DSCAM: variants seen among roughly 807,000 people sequenced by gnomAD.
DSCAM encodes cell adhesion molecule DSCAM.
Under a neutral mutation model 217.7 loss-of-function variants are expected in DSCAM, and 47 were observed. The ratio of observed to expected loss-of-function variants is 0.22; its 90% CI spans 0.17 to 0.28. DSCAM has a LOEUF of 0.28. Ranked by LOEUF, DSCAM falls within the 10% of genes least tolerant of loss-of-function variation. The pLI, the probability that DSCAM is intolerant of heterozygous loss-of-function variation, is 1.00. For missense variants in DSCAM, 2,080 were observed against 2,618.3 expected (o/e 0.79, Z 4.49); for synonymous variants, 1,056 against 1,015.3 (o/e 1.04, Z -0.76).
chr21:40,249,057 C>T (rs2073266496), intron 11 of DSCAM, among the ~76,000 whole-genome samples: 2 of 152,178 alleles, frequency 1.3e-5, no homozygotes, highest in Admixed American at 1.3e-4. Flanking sequence ...TGGGTCCCTC[C>T]CACAGCACAT....
intron 1 of DSCAM, among the ~76,000 whole-genome samples, chr21:40,788,084 T>C (rs1262785100): frequency 6.6e-6 from 1 of 152,240 alleles, no homozygotes; most frequent in African/African-American, 2.4e-5. Flanking sequence ...TAAAACATGC[T>C]GTCCACTTTC....
intron 8 of DSCAM, among the ~76,000 whole-genome samples, chr21:40,313,236 A>C (rs531616358): frequency 1.3e-5 from 2 of 152,186 alleles, no homozygotes. Context: ...GAATAACTAC[A>C]TCTTTACTTT....
chr21:40,709,570 ATGAG>A (rs758840160), intron 1 of DSCAM, among the ~76,000 whole-genome samples: 6 of 152,098 alleles, frequency 3.9e-5, no homozygotes, highest in East Asian at 1.9e-4. Context: ...ACTCCCACTT[ATGAG>A]TGAGAACACG....
Position 40,440,371 on chromosome 21 carries a change from T to G in DSCAM, c.509-71126A>C, listed in dbSNP as rs546022768. On this transcript the variant is annotated intron_variant, in intron 3 of 32. Coordinates refer to ENST00000400454, the MANE Select transcript of DSCAM (RefSeq NM_001389.5). ...ATGGCAGGACCTATACCACATGAGGTTGCTGAGTGGATGGAATGAGTTGAC... is the reference window on the plus strand; with the variant it reads ...ATGGCAGGACCTATACCACATGAGGGTGCTGAGTGGATGGAATGAGTTGAC... Among the ~76,000 whole-genome samples, 15 of 150,270 alleles carry G rather than the reference T, an allele frequency of 1.0e-4. No individual in the cohort carries two copies. The East Asian group carries it at 3.0e-3, about 30-fold the overall frequency.
At chr21:40,395,053 TTCAG>T (rs1212864519) in intron 3 of DSCAM, among the ~76,000 whole-genome samples, 1 of 152,334 alleles carries the variant, frequency 6.6e-6, no homozygotes. Context: ...ATATACTGTG[TTCAG>T]TCAGTGTAAT....
At chr21:40,710,691 T>C (rs899420043) in intron 1 of DSCAM, among the ~76,000 whole-genome samples, 1 of 152,188 alleles carries the variant, frequency 6.6e-6, no homozygotes, top group Non-Finnish European at 1.5e-5. Context: ...GTGTTGGTTA[T>C]GTGAAGAAAT....
intron 3 of DSCAM, among the ~76,000 whole-genome samples, chr21:40,573,434 A>T (rs1408596200): frequency 2.0e-5 from 3 of 152,342 alleles, no homozygotes; most frequent in East Asian, 1.9e-4. Flanking sequence ...TAAACAGATG[A>T]TGACCTATAG....
intron 3 of DSCAM, among the ~76,000 whole-genome samples, chr21:40,482,068 G>A (rs1569141769): frequency 6.6e-6 from 1 of 152,240 alleles, no homozygotes; most frequent in African/African-American, 2.4e-5. Flanking sequence ...GGAAGAGCAA[G>A]TGCAGCCTCT....
chr21:40,562,390 C>G (rs1247157860), intron 3 of DSCAM, among the ~76,000 whole-genome samples: 3 of 152,168 alleles, frequency 2.0e-5, no homozygotes, highest in Admixed American at 1.3e-4. Flanking sequence ...TGGGGCCTCC[C>G]TAGCCATGTG....
rs2091594347 is a variant in DSCAM, at chr21:40,786,333, G to GAAGAAAGAGA, written c.43+60276_43+60285dup. Among the ~76,000 whole-genome samples the GAAGAAAGAGA allele has an allele frequency of 1.3e-5, 2 of 151,844 alleles. 1 individual carries two copies. The highest frequency in any genetic ancestry group is 4.2e-4 in the South Asian group (2 of 4,804). ...AAGAGGGAGAAAGAAAGGAAGAAAG[G>GAAGAAAGAGA]AAGAAAGAGAAAGAAAGAAATCATC... On this transcript the variant is annotated intron_variant, in intron 1 of 32. Transcript: ENST00000400454.
At chr21:40,612,340 C>A (rs1186365526) in intron 3 of DSCAM, among the ~76,000 whole-genome samples, 1 of 152,072 alleles carries the variant, frequency 6.6e-6, no homozygotes, top group Admixed American at 6.6e-5. Flanking sequence ...GCCTTGCAGT[C>A]CACCCCAGTC....
chr21:40,481,452 A>G (rs1461246208), intron 3 of DSCAM, among the ~76,000 whole-genome samples: 1 of 148,064 alleles, frequency 6.8e-6, no homozygotes, highest in African/African-American at 2.5e-5. Flanking sequence ...TGAACCCAGA[A>G]GGCAGAGCTT....
At chr21:40,248,867 G>C (rs951604056) in intron 11 of DSCAM, among the ~76,000 whole-genome samples, 2 of 152,220 alleles carry the variant, frequency 1.3e-5, no homozygotes, top group African/African-American at 2.4e-5. Context: ...ACATGGCTGA[G>C]GAGGCCTCAG....
At chr21:40,060,568 G>A (rs910148715) in intron 28 of DSCAM, among the ~76,000 whole-genome samples, 3 of 151,828 alleles carry the variant, frequency 2.0e-5, no homozygotes, top group African/African-American at 7.3e-5. Context: ...AAGCAGGCCC[G>A]GGGTGGGGTA....
intron 3 of DSCAM, among the ~76,000 whole-genome samples, chr21:40,508,761 ATATATATATATATATATATATATT>A (rs1308578486): frequency 0.099 from 514 of 5,216 alleles, 20 homozygotes; most frequent in African/African-American, 0.29. Context: ...ATATATATAT[ATATATATATATATATATATATATT>A]TTTTTTTTTT....
chr21:40,621,887 AAG>A (rs1243651200), intron 3 of DSCAM, among the ~76,000 whole-genome samples: 4 of 125,012 alleles, frequency 3.2e-5, no homozygotes, highest in South Asian at 6.2e-4. Context: ...GAAAGAAAGA[AAG>A]AGAGAGAGAG....
At chr21:40,259,516 G>A (rs1375728388) in intron 11 of DSCAM, among the ~76,000 whole-genome samples, 1 of 152,054 alleles carries the variant, frequency 6.6e-6, no homozygotes, top group Non-Finnish European at 1.5e-5. Flanking sequence ...TGAGAATTAG[G>A]CCACACCTGT....
At chr21:40,250,716 G>A (rs1441496052) in intron 11 of DSCAM, among the ~76,000 whole-genome samples, 3 of 152,218 alleles carry the variant, frequency 2.0e-5, no homozygotes, top group Non-Finnish European at 4.4e-5. Context: ...CTGGGTCGGG[G>A]CTGACGTTCC....
At chr21:40,285,280 G>C (rs1601517416) in intron 10 of DSCAM, among the ~76,000 whole-genome samples, 1 of 152,200 alleles carries the variant, frequency 6.6e-6, no homozygotes, top group Non-Finnish European at 1.5e-5. Context: ...CCTGGAGCAA[G>C]AGCCCCCCAA....
Sources: allele counts gnomAD v4.1 joint callset (sites outside exome capture counted in the v4.1 genomes callset), GRCh38; gene constraint gnomAD v4.1.1; transcripts MANE v1.5; gene names NCBI Gene and HGNC (gene_info 2026-07-23, HGNC 2026-07-21).